ACACA: variants seen among roughly 807,000 people sequenced by gnomAD.
The protein encoded by ACACA is acetyl-CoA carboxylase alpha.
Under a neutral mutation model 296.1 loss-of-function variants are expected in ACACA, and 103 were observed. That is an observed-to-expected ratio of 0.35 (90% CI 0.30 to 0.41). The LOEUF is 0.41. Ranked by LOEUF, ACACA falls within the 10% of genes least tolerant of loss-of-function variation. ACACA has a pLI of 1.00. For synonymous variants in ACACA, 953 were observed against 1,038.6 expected, an observed-to-expected ratio of 0.92 and a Z score of 1.58; for missense variants, 1,554 against 2,989.7, an observed-to-expected ratio of 0.52 and a Z score of 11.20.
intron 41 of ACACA, among the ~76,000 whole-genome samples, chr17:37,165,748 C>G (rs1385732745): frequency 6.6e-6 from 1 of 150,480 alleles, no homozygotes; most frequent in Non-Finnish European, 1.5e-5. Context: ...AATCTTGGCT[C>G]ACTGCAACCT....
intron 3 of ACACA, among the ~76,000 whole-genome samples, chr17:37,325,411 T>G (rs1354337358): frequency 4.0e-5 from 6 of 151,480 alleles, no homozygotes; most frequent in Non-Finnish European, 7.4e-5. Flanking sequence ...TCTTAAATGT[T>G]CAATTGAATA....
intron 3 of ACACA, among the ~76,000 whole-genome samples, chr17:37,297,127 A>G (rs2083377924): frequency 6.6e-6 from 1 of 152,034 alleles, no homozygotes; most frequent in Non-Finnish European, 1.5e-5. Flanking sequence ...AGGTTTTTAT[A>G]TAAAAACTAT....
At position 37,354,745 on chromosome 17, in the gene ACACA, C is replaced by T. The variant is rs572383561; in HGVS notation, c.39-14895G>A. Among the ~76,000 whole-genome samples, 11 of 151,554 alleles carry T rather than the reference C, an allele frequency of 7.3e-5. No individual in the cohort carries two copies. In the South Asian group the frequency reaches 1.0e-3, roughly 14 times the overall value. On this transcript the variant is annotated intron_variant, in intron 1 of 55. Coordinates refer to ENST00000616317, the MANE Select transcript of ACACA (RefSeq NM_198834.3). ...TTCGAGACCAGTCTAGGCAGTAAAG[C>T]GAGACCCCCACTCCACCCCACAAAA...
intron 1 of ACACA, among the ~76,000 whole-genome samples, chr17:37,349,725 T>A (rs926366601): frequency 4.6e-5 from 7 of 151,424 alleles, no homozygotes; most frequent in Non-Finnish European, 8.8e-5. Context: ...CCCAGCTAGT[T>A]TTTTTGTATT....
chr17:37,142,790 G>A (rs577168040), intron 45 of ACACA, among the ~76,000 whole-genome samples: 4 of 152,304 alleles, frequency 2.6e-5, no homozygotes, highest in East Asian at 1.9e-4. Flanking sequence ...TCCAAAGTGC[G>A]TTGATTGTTG....
At chr17:37,281,410 G>T (rs1335931222) in intron 5 of ACACA, among the ~76,000 whole-genome samples, 1 of 152,078 alleles carries the variant, frequency 6.6e-6, no homozygotes, top group Non-Finnish European at 1.5e-5. Flanking sequence ...TCTCATCTCT[G>T]TGTTCTCACC....
rs532375299 is a variant in ACACA at position 37,399,141 on chromosome 17, G to A, written c.38+7121C>T. ...ATTATAAGCATGCACCACCATGCCC[G>A]GCTAATTTTTTATATTTTTAGTAGA... On this transcript the variant is annotated intron_variant, in intron 1 of 55. Transcript: ENST00000616317. 2.2e-4 allele frequency among the ~76,000 whole-genome samples: 33 copies of A among 151,104 alleles called. No homozygotes were observed. The East Asian group carries it at 6.6e-3, about 30-fold the overall frequency.
chr17:37,153,037 G>A (rs2076104042), intron 43 of ACACA, among the ~76,000 whole-genome samples: 1 of 152,114 alleles, frequency 6.6e-6, no homozygotes, highest in African/African-American at 2.4e-5. Context: ...CTATCCTAAA[G>A]TTATGTCAGA....
rs754510380 is a variant in ACACA, at chr17:37,192,312, A to G, written c.4201-7T>C. 2 of 1,613,340 alleles carry G rather than the reference A, an allele frequency of 1.2e-6. No individual in the cohort carries two copies. Among genetic ancestry groups the G allele is most frequent in the South Asian group, 1.1e-5 (1 of 91,054 alleles). ...AGATACGATCCTCCTCAAACTGAGT[A>G]CAAGAATCAGAGAAAAAACAGCTCA... On this transcript the variant is annotated splice_region_variant and splice_polypyrimidine_tract_variant and intron_variant, in intron 36 of 55. Transcript: ENST00000616317.
intron 4 of ACACA, among the ~76,000 whole-genome samples, chr17:37,283,707 A>C (rs1331811242): frequency 6.6e-6 from 1 of 152,174 alleles, no homozygotes; most frequent in Non-Finnish European, 1.5e-5. Flanking sequence ...GAATTATTCT[A>C]CCATACTACC....
chr17:37,220,549 T>C (rs2079238106), intron 29 of ACACA, among the ~76,000 whole-genome samples: 1 of 152,220 alleles, frequency 6.6e-6, no homozygotes, highest in African/African-American at 2.4e-5. Flanking sequence ...CATTCGTTTC[T>C]AGAAAATGAG....
intron 29 of ACACA, among the ~76,000 whole-genome samples, chr17:37,219,826 T>C (rs1175057690): frequency 6.6e-6 from 1 of 151,380 alleles, no homozygotes; most frequent in Non-Finnish European, 1.5e-5. Context: ...CATTTTATGA[T>C]CAAACCTGAT....
rs2050885179 is a variant in ACACA at position 37,391,521 on chromosome 17, A to G, written c.38+14741T>C. Reference sequence around the variant, plus strand: ...TTCTCAGTGTAATTATCGATTAACAAAGAGGCAAAATGAAGTGCACTTGGA... The same window carrying G: ...TTCTCAGTGTAATTATCGATTAACAGAGAGGCAAAATGAAGTGCACTTGGA... On this transcript the variant is annotated intron_variant, in intron 1 of 55. Coordinates refer to ENST00000616317, the MANE Select transcript of ACACA (RefSeq NM_198834.3). 8 of 804,538 alleles carry G rather than the reference A, an allele frequency of 9.9e-6. No homozygotes were observed. The Admixed American group carries it at 1.6e-4, about 16-fold the overall frequency. The allele number at this position is 804,538 out of a possible 1,614,324, so 49.8% of individuals were successfully genotyped here. A position where few individuals can be genotyped will look rare whatever the true frequency, so the allele number is the denominator to read the frequency against.
chr17:37,148,378 C>T (rs1240069846), intron 45 of ACACA, among the ~76,000 whole-genome samples: 1 of 152,202 alleles, frequency 6.6e-6, no homozygotes, highest in Non-Finnish European at 1.5e-5. Context: ...GTTAGCACTG[C>T]TGTGCCTTTC....
rs922312488 is a variant in ACACA at position 37,214,542 on chromosome 17, C to T, written c.3684-4052G>A. ...TACAGGTGTCCTGGATTCTGCTTTTCCTTCCCCCAGGACTCAGCTAGTCTT... is the reference window on the plus strand; with the variant it reads ...TACAGGTGTCCTGGATTCTGCTTTTTCTTCCCCCAGGACTCAGCTAGTCTT... On this transcript the variant is annotated intron_variant, in intron 29 of 55. Transcript: ENST00000616317. Among the ~76,000 whole-genome samples, 3 of 152,192 alleles carry T rather than the reference C, an allele frequency of 2.0e-5. No individual in the cohort carries two copies. The South Asian group carries it at 6.2e-4, about 32-fold the overall frequency.
chr17:37,258,583 A>T (rs926269780), intron 12 of ACACA, among the ~76,000 whole-genome samples: 2 of 152,190 alleles, frequency 1.3e-5, no homozygotes, highest in Non-Finnish European at 2.9e-5. Flanking sequence ...TCCACTTCTA[A>T]AGAAGTCCCC....
At chr17:37,144,387 T>C in intron 45 of ACACA, 1 of 405,650 alleles carries the variant, frequency 2.5e-6, no homozygotes, top group South Asian at 2.4e-5. Flanking sequence ...CTCTTTAAGT[T>C]ATGTGAAAGT....
intron 48 of ACACA, among the ~76,000 whole-genome samples, 168 bp downstream of exon 48, chr17:37,125,530 T>C (rs2074738719): frequency 6.6e-6 from 1 of 152,242 alleles, no homozygotes; most frequent in Admixed American, 6.5e-5. Context: ...AAATGGCAAC[T>C]GAGAACCAGC....
intron 14 of ACACA, 110 bp from the exon 15 acceptor site, chr17:37,253,146 C>A: frequency 1.4e-6 from 2 of 1,477,820 alleles, no homozygotes; most frequent in Non-Finnish European, 1.9e-6. Flanking sequence ...AATCCTAACA[C>A]TTTGGGAGGC....
Sources: gnomAD v4.1 joint callset for allele counts (sites outside exome capture counted in the v4.1 genomes callset) on GRCh38, gnomAD v4.1.1 for gene constraint, MANE v1.5 for transcripts, NCBI Gene and HGNC (gene_info 2026-07-23, HGNC 2026-07-21) for gene names.